The following LARGE1 variants were observed in gnomAD, a reference collection of about 807,000 sequenced individuals.
LARGE1 encodes xylosyl- and glucuronyltransferase LARGE1.
LARGE1 carries 43 observed loss-of-function variants against 87.6 expected under a neutral mutation model. The observed-to-expected ratio is 0.49, with a 90% CI of 0.38 to 0.63. LARGE1 has a LOEUF of 0.63. LARGE1 is among the 30% of genes least tolerant of loss of function. The pLI is 0.00. For synonymous variants in LARGE1, 434 were observed against 394.6 expected (o/e 1.10, Z -1.18); for missense variants, 802 against 1,000.2 (o/e 0.80, Z 2.67).
At chr22:33,698,126 G>A (rs190497339) in intron 2 of LARGE1, among the ~76,000 whole-genome samples, 119 of 152,318 alleles carry the variant, frequency 7.8e-4, no homozygotes, top group Non-Finnish European at 1.0e-3. Context: ...AGGCTGGAGT[G>A]CAATGGTGCG....
At chr22:33,353,081 A>G (rs575419967) in intron 9 of LARGE1, among the ~76,000 whole-genome samples, 3 of 152,374 alleles carry the variant, frequency 2.0e-5, no homozygotes, top group Non-Finnish European at 1.5e-5. Flanking sequence ...TAAATTTTCA[A>G]GACTATTTGA....
In LARGE1 at chr22:33,822,295, T is replaced by C. The variant is rs185325424; in HGVS notation, c.-82-60737A>G. On this transcript the variant is annotated intron_variant, in intron 1 of 14. Coordinates refer to ENST00000397394, the MANE Select transcript of LARGE1 (RefSeq NM_133642.5). ...TCCTATACTTCTCTTAGAGGTCAGA[T>C]TGTCACTTCTTGCTCAGGTTTCTGG... Among the ~76,000 whole-genome samples the C allele has an allele frequency of 1.2e-3, 184 of 152,288 alleles. 1 individual carries two copies. Among genetic ancestry groups the C allele is most frequent in the South Asian group, 7.3e-3 (35 of 4,822 alleles).
At chr22:33,758,331 A>G (rs2084597885) in intron 2 of LARGE1, among the ~76,000 whole-genome samples, 1 of 152,210 alleles carries the variant, frequency 6.6e-6, no homozygotes, top group African/African-American at 2.4e-5. Flanking sequence ...TTTCCTAAGC[A>G]TGCTGCCTCA....
intron 9 of LARGE1, among the ~76,000 whole-genome samples, chr22:33,378,208 C>G (rs895557084): frequency 1.3e-5 from 2 of 152,140 alleles, no homozygotes; most frequent in African/African-American, 2.4e-5. Flanking sequence ...AAGTGCCTGG[C>G]AAATTTTTAA....
the LARGE1 span, among the ~76,000 whole-genome samples, chr22:33,146,591 A>T: frequency 9.9e-5 from 15 of 152,262 alleles, no homozygotes; most frequent in South Asian, 2.9e-3. Flanking sequence ...GGTGGCTGCA[A>T]CAATCATCTT....
At chr22:33,775,641 C>G (rs1322551380) in intron 1 of LARGE1, among the ~76,000 whole-genome samples, 2 of 152,106 alleles carry the variant, frequency 1.3e-5, no homozygotes, top group Non-Finnish European at 2.9e-5. Flanking sequence ...CACCTGAGGT[C>G]AGGAGTTCGA....
intron 1 of LARGE1, among the ~76,000 whole-genome samples, chr22:33,798,394 C>A (rs1023435717): frequency 1.3e-5 from 2 of 152,222 alleles, no homozygotes; most frequent in South Asian, 4.1e-4. Context: ...TGCACATACT[C>A]TGCATTTCCC....
chr22:33,525,307 C>T (rs2071832322), intron 6 of LARGE1, among the ~76,000 whole-genome samples: 1 of 152,132 alleles, frequency 6.6e-6, no homozygotes, highest in East Asian at 1.9e-4. Flanking sequence ...CCACTACCAC[C>T]CCAGGCCCAT....
At chr22:33,714,523 C>G (rs992727445) in intron 2 of LARGE1, among the ~76,000 whole-genome samples, 1 of 152,206 alleles carries the variant, frequency 6.6e-6, no homozygotes, top group Non-Finnish European at 1.5e-5. Flanking sequence ...CAAATAATAA[C>G]TGCTTTAATC....
chr22:33,814,807 T>C (rs1159688088), intron 1 of LARGE1, among the ~76,000 whole-genome samples: 1 of 152,088 alleles, frequency 6.6e-6, no homozygotes, highest in Non-Finnish European at 1.5e-5. Flanking sequence ...TGACTGATAC[T>C]AACATATGCA....
chr22:33,604,585 C>G, intron 4 of LARGE1, 27 bp from the exon 5 acceptor site: 1 of 1,613,864 alleles, frequency 6.2e-7, no homozygotes, highest in Non-Finnish European at 8.5e-7. Context: ...AAGGAAGGGT[C>G]AGGTGGAGAG....
At chr22:33,585,959 G>T (rs568389184) in intron 5 of LARGE1, among the ~76,000 whole-genome samples, 1 of 152,090 alleles carries the variant, frequency 6.6e-6, no homozygotes, top group Non-Finnish European at 1.5e-5. Flanking sequence ...TCGGCCTCCC[G>T]AAGTGCTGGG....
intron 1 of LARGE1, among the ~76,000 whole-genome samples, chr22:33,843,906 C>T (rs1158132192): frequency 6.6e-6 from 1 of 151,930 alleles, no homozygotes. Context: ...ATTAAAACTC[C>T]GTCTCTACTA....
At chr22:33,414,999 T>G (rs933602141) in intron 7 of LARGE1, among the ~76,000 whole-genome samples, 2 of 152,256 alleles carry the variant, frequency 1.3e-5, no homozygotes, top group African/African-American at 4.8e-5. Flanking sequence ...TATTTTGTTA[T>G]AGCAGCCAGA....
rs2083627759 is a variant in LARGE1, at chr22:33,735,593, G to C, written c.106+25778C>G. Among the ~76,000 whole-genome samples the C allele has an allele frequency of 3.3e-5, 5 of 152,098 alleles. No individual in the cohort carries two copies. In the South Asian group the frequency reaches 1.0e-3, roughly 32 times the overall value. ...GTGAATGAAGGGATCCAAGTCTCCTGGTCCTGTTTTGCCTTCAGCAGCTCC... is the reference window on the plus strand; with the variant it reads ...GTGAATGAAGGGATCCAAGTCTCCTCGTCCTGTTTTGCCTTCAGCAGCTCC... On this transcript the variant is annotated intron_variant, in intron 2 of 14. Coordinates refer to ENST00000397394, the MANE Select transcript of LARGE1 (RefSeq NM_133642.5).
Position 33,489,350 on chromosome 22 carries a change from T to A in LARGE1, c.788-57085A>T, listed in dbSNP as rs73409057. Among the ~76,000 whole-genome samples the A allele has an allele frequency of 5.8e-3, 887 of 152,254 alleles. 4 individuals are homozygous for A. Among genetic ancestry groups the A allele is most frequent in the African/African-American group, 0.02 (814 of 41,556 alleles). ...ACTGTCAATCATTCATTCAAGAAAT[T>A]TTTATTGAACACTTCACTATGCGCA... On this transcript the variant is annotated intron_variant, in intron 6 of 14. Transcript: ENST00000397394.
intron 1 of LARGE1, among the ~76,000 whole-genome samples, chr22:33,910,779 G>A (rs926618353): frequency 6.6e-6 from 1 of 152,214 alleles, no homozygotes; most frequent in Non-Finnish European, 1.5e-5. Flanking sequence ...AGCAAAAAAA[G>A]CAGCGTAACA....
At chr22:33,883,632 C>A (rs1425132529) in intron 1 of LARGE1, among the ~76,000 whole-genome samples, 1 of 152,262 alleles carries the variant, frequency 6.6e-6, no homozygotes, top group Non-Finnish European at 1.5e-5. Flanking sequence ...GGGGCTTGCG[C>A]CCTTCCAGGC....
chr22:33,536,233 GAACGA>G (rs1173834971), intron 6 of LARGE1, among the ~76,000 whole-genome samples: 1 of 152,210 alleles, frequency 6.6e-6, no homozygotes, highest in Admixed American at 6.5e-5. Flanking sequence ...TCTGAGAACA[GAACGA>G]AAGGGCATGA....
Sources: allele counts gnomAD v4.1 joint callset (sites outside exome capture counted in the v4.1 genomes callset), GRCh38; gene constraint gnomAD v4.1.1; transcripts MANE v1.5; gene names NCBI Gene and HGNC (gene_info 2026-07-23, HGNC 2026-07-21).